Variants in FGFBP2 observed in about 807,000 individuals in gnomAD.
FGFBP2 encodes fibroblast growth factor binding protein 2, also known as fibroblast growth factor-binding protein 2.
FGFBP2 carries 7 observed loss-of-function variants against 7.3 expected under a neutral mutation model. That is an observed-to-expected ratio of 0.96 (90% CI 0.55 to 1.81). The LOEUF (loss-of-function observed/expected upper bound fraction) is 1.81, where lower values mean the gene tolerates loss of function less well. Ranked by LOEUF, FGFBP2 falls within the 40% of genes most tolerant of loss-of-function variation. FGFBP2 has a pLI of 0.00. For synonymous variants in FGFBP2, 131 were observed against 110.2 expected, an observed-to-expected ratio of 1.19 and a Z score of -1.18; for missense variants, 291 against 280.1, an observed-to-expected ratio of 1.04 and a Z score of -0.28.
At chr4:15,962,384 G>T in intron 1 of FGFBP2, 54 bp downstream of exon 1, 1 of 1,420,720 alleles carries the variant, frequency 7.0e-7, no homozygotes. Context: ...CGTAGTCTCT[G>T]TATATAAGTA....
chr4:15,962,548 C>A lies in FGFBP2; in HGVS notation c.582G>T (p.Gly194=). 6.2e-7 allele frequency: 1 copy of A among 1,613,228 alleles called. No homozygotes were observed. The highest frequency in any genetic ancestry group is 8.5e-7 in the Non-Finnish European group (1 of 1,179,304). ...KPTQPGPRPG[G]NEEAKKKAWE... is the part of the protein sequence containing the mutation. ...AGGCCTTCTTCTTTGCTTCCTCATTCCCTCCGGGCCTGGGTCCAGGCTGGG... is the reference window on the plus strand; with the variant it reads ...AGGCCTTCTTCTTTGCTTCCTCATTACCTCCGGGCCTGGGTCCAGGCTGGG... The change falls in exon 1 of 2, where the codon GGG becomes GGT. Residue 194 remains glycine (G), a synonymous_variant. Transcript: ENST00000259989.
In FGFBP2 at chr4:15,962,775, C is replaced by T; in HGVS notation, c.355G>A (p.Glu119Lys). 1 of 1,600,716 alleles carries T rather than the reference C, an allele frequency of 6.2e-7. No homozygotes were observed. The highest frequency in any genetic ancestry group is 8.5e-7 in the Non-Finnish European group (1 of 1,172,838). Residue 119 changes from glutamate to lysine, a missense_variant, in exon 1 of 2, where the codon GAG becomes AAG. Glu to Lys is a moderately conservative substitution (Grantham distance 56). Transcript: ENST00000259989. ...APVLRPSVCREAGPQAHMQQV... is the reference protein window; with the variant it reads ...APVLRPSVCRKAGPQAHMQQV... Reference sequence around the variant, plus strand: ...TGCATATGGGCCTGGGGTCCAGCCTCCCTGCACACGGATGGCCTAAGCACC... The same window carrying T: ...TGCATATGGGCCTGGGGTCCAGCCTTCCTGCACACGGATGGCCTAAGCACC...
At position 15,962,629 on chromosome 4, in the gene FGFBP2, G is replaced by A. The variant is rs1432933847; in HGVS notation, c.501C>T (p.Asp167=). Residue 167 remains aspartate, a synonymous_variant, in exon 1 of 2, where the codon GAC becomes GAT. Coordinates refer to ENST00000259989, the MANE Select transcript of FGFBP2 (RefSeq NM_031950.4). ...TGGCTTTTCCCAGCTCTTCCATCGA[G>A]TCCTTTCCCAGCTGTGTTGCTTCTG... ...KLTEATQLGK[D]SMEELGKAKP... 6.2e-7 allele frequency: 1 copy of A among 1,614,070 alleles called. No homozygotes were observed. Among genetic ancestry groups the A allele is most frequent in the Non-Finnish European group, 8.5e-7 (1 of 1,180,040 alleles).
In FGFBP2 at chr4:15,962,743, C is replaced by G. The variant is rs1214333792; in HGVS notation, c.387G>C (p.Val129=). 5.0e-6 allele frequency: 8 copies of G among 1,611,984 alleles called. No individual in the cohort carries two copies. Among genetic ancestry groups the G allele is most frequent in the Admixed American group, 1.7e-5 (1 of 59,942 alleles). ...EAGPQAHMQQ[V]TSSLKGSPEP... is the part of the protein sequence containing the mutation. The stretch of plus-strand genomic sequence containing the variant: ...CTGGGCTGCCCTTGAGGCTGGAAGT[C>G]ACCTGCTGCATATGGGCCTGGGGTC... Residue 129 remains valine, a synonymous_variant, in exon 1 of 2, where the codon GTG becomes GTC. Coordinates refer to ENST00000259989, the MANE Select transcript of FGFBP2 (RefSeq NM_031950.4).
Position 15,962,811 on chromosome 4 carries a change from G to A in FGFBP2, c.319C>T (p.Gln107Ter), listed in dbSNP as rs758875265. Residue 107 changes from glutamine to a stop codon, truncating the protein, a stop_gained, in exon 1 of 2, where the codon CAG (glutamine) becomes TAG (stop). Transcript: ENST00000259989. LOFTEE classifies it low-confidence loss of function (END_TRUNC). The part of the protein sequence containing the change: ...QELRRLHHAC[Q>*]GAPVLRPSVC... ...GATGGCCTAAGCACCGGGGCCCCCT[G>A]GCACGCATGGTGAAGGCGCCTCAGC... 1.3e-6 allele frequency: 2 copies of A among 1,573,846 alleles called. No homozygotes were observed. Among genetic ancestry groups the A allele is most frequent in the African/African-American group, 2.7e-5 (2 of 74,176 alleles).
chr4:15,960,908 A>G (rs932686828), intron 1 of FGFBP2, among the ~76,000 whole-genome samples: 1 of 152,204 alleles, frequency 6.6e-6, no homozygotes, highest in Non-Finnish European at 1.5e-5. Flanking sequence ...GCCATCTATG[A>G]GTCAAGGAGA....
At position 15,960,598 on chromosome 4, in the gene FGFBP2, G is replaced by A. The variant is rs1713062141; in HGVS notation, c.*34C>T. On this transcript the variant is annotated 3_prime_UTR_variant, in exon 2 of 2. Transcript: ENST00000259989. ...TATAAAAAGAGATGGTTGTCTGTCA[G>A]GGAGAGGTCAGATCTAAAAAAAAAA... 1 of 150,410 alleles carries A rather than the reference G, an allele frequency of 6.6e-6. No individual in the cohort carries two copies. The highest frequency in any genetic ancestry group is 2.1e-4 in the South Asian group (1 of 4,782). The allele number at this position is 150,410 out of a possible 1,614,324, so 9.3% of individuals were successfully genotyped here. A position where few individuals can be genotyped will look rare whatever the true frequency, so the allele number is the denominator to read the frequency against.
chr4:15,962,940 G>C lies in FGFBP2; in HGVS notation c.190C>G (p.Arg64Gly). ...AGEVWLRVDC[R>G]NTDQTYWCEY... ...CACCAGTAGGTCTGGTCTGTGTTGC[G>C]GCAGTCGACACGAAGCCAGACTTCT... Residue 64 changes from arginine to glycine, a missense_variant, in exon 1 of 2, where the codon CGC (arginine) becomes GGC (glycine). By Grantham distance (125) the Arg-to-Gly change is moderately radical. Transcript: ENST00000259989. 1 of 1,605,796 alleles carries C rather than the reference G, an allele frequency of 6.2e-7. No homozygotes were observed. The highest frequency in any genetic ancestry group is 1.3e-5 in the African/African-American group (1 of 75,002).
chr4:15,960,400 T>G lies in FGFBP2; in HGVS notation c.*232A>C, dbSNP rs1054044924. The G allele has an allele frequency of 6.6e-6, 1 of 152,138 alleles. No homozygotes were observed. The highest frequency in any genetic ancestry group is 1.5e-5 in the Non-Finnish European group (1 of 68,022). The allele number at this position is 152,138 out of a possible 1,614,324, so 9.4% of individuals were successfully genotyped here. ...ATAAGTAGTTGTGTATGCTTGTCAC[T>G]CTTGGGCCCATCAGCACCTGTTCCC... is the stretch of plus-strand genomic sequence containing the variant. On this transcript the variant is annotated 3_prime_UTR_variant, in exon 2 of 2. Transcript: ENST00000259989.
chr4:15,962,175 G>A (rs953013128), intron 1 of FGFBP2, among the ~76,000 whole-genome samples: 3 of 152,146 alleles, frequency 2.0e-5, no homozygotes, highest in Non-Finnish European at 2.9e-5. Context: ...TAGATGGAAC[G>A]GTCTGGCGAG....
rs755471306 is a variant in FGFBP2, at chr4:15,962,725, G to A, written c.405C>T (p.Gly135=). The change falls in exon 1 of 2, where the codon GGC becomes GGT. Residue 135 remains glycine (G), a synonymous_variant. Transcript: ENST00000259989. ...CAGGCTGCTGGTTGGGCTCTGGGCT[G>A]CCCTTGAGGCTGGAAGTCACCTGCT... is the stretch of plus-strand genomic sequence containing the variant. The part of the protein sequence containing the change: ...HMQQVTSSLK[G]SPEPNQQPEA... The A allele has an allele frequency of 2.5e-6, 4 of 1,613,374 alleles. No homozygotes were observed. The East Asian group carries it at 8.9e-5, about 36-fold the overall frequency.
chr4:15,961,981 G>C (rs376961422), intron 1 of FGFBP2, among the ~76,000 whole-genome samples: 1 of 152,180 alleles, frequency 6.6e-6, no homozygotes, highest in South Asian at 2.1e-4. Flanking sequence ...ATAGCACCTC[G>C]GCCACTAACA....
In FGFBP2 at chr4:15,962,665, T is replaced by C; in HGVS notation, c.465A>G (p.Thr155=). 2.5e-6 allele frequency: 4 copies of C among 1,614,218 alleles called. No homozygotes were observed. The highest frequency in any genetic ancestry group is 3.4e-6 in the Non-Finnish European group (4 of 1,180,044). The change falls in exon 1 of 2, where the codon ACA becomes ACG. Residue 155 remains threonine (T), a synonymous_variant. Coordinates refer to ENST00000259989, the MANE Select transcript of FGFBP2 (RefSeq NM_031950.4). ...AGTPSLRPKA[T]VKLTEATQLG... is the part of the protein sequence containing the mutation. ...GCTGTGTTGCTTCTGTGAGTTTCAC[T>C]GTGGCCTTGGGCCTCAGAGATGGCG... is the stretch of plus-strand genomic sequence containing the variant.
chr4:15,960,681 T>C (rs1713065030), intron 1 of FGFBP2, 70 bp from the exon 2 acceptor site: 1 of 151,870 alleles, frequency 6.6e-6, no homozygotes, highest in Admixed American at 6.6e-5. Context: ...TGGGTTGAAT[T>C]GTGTGAATTG....
chr4:15,962,454 C>CCTGT lies in FGFBP2; in HGVS notation c.672_*3dup. On this transcript the variant is annotated 3_prime_UTR_variant, in exon 1 of 2. Transcript: ENST00000259989. ...GGGTATTACCTGTAGGGGTCTTTCA[C>CCTGT]CTGTCACCCTCGGAAGAAGCTGATG... The CCTGT allele has an allele frequency of 1.9e-6, 3 of 1,548,192 alleles. No homozygotes were observed. The highest frequency in any genetic ancestry group is 2.6e-6 in the Non-Finnish European group (3 of 1,146,834).
Position 15,960,551 on chromosome 4 carries a change from C to T in FGFBP2, c.*81G>A, listed in dbSNP as rs1377102472. Reference sequence around the variant, plus strand: ...AAACTCTCTTCTTCCAGTGTGAGAACGTTGGATTGAAAGCGGCATAATATA... The same window carrying T: ...AAACTCTCTTCTTCCAGTGTGAGAATGTTGGATTGAAAGCGGCATAATATA... On this transcript the variant is annotated 3_prime_UTR_variant, in exon 2 of 2. Coordinates refer to ENST00000259989, the MANE Select transcript of FGFBP2 (RefSeq NM_031950.4). 6.8e-6 allele frequency: 1 copy of T among 146,444 alleles called. No individual in the cohort carries two copies. 9.1% of individuals were successfully genotyped at this position (146,444 alleles called of 1,614,324 possible). A position where few individuals can be genotyped will look rare whatever the true frequency, so the allele number is the denominator to read the frequency against.
chr4:15,962,068 T>C (rs563799615), intron 1 of FGFBP2, among the ~76,000 whole-genome samples: 2 of 152,294 alleles, frequency 1.3e-5, no homozygotes, highest in South Asian at 4.1e-4. Context: ...AGTGAGGTGG[T>C]TCCATCACAA....
intron 1 of FGFBP2, 149 bp downstream of exon 1, chr4:15,962,289 A>C (rs1213364546): frequency 3.2e-6 from 2 of 624,922 alleles, no homozygotes; most frequent in Non-Finnish European, 5.1e-6. Flanking sequence ...ACTGCTCTGC[A>C]ACAGACAGCC....
Position 15,960,608 on chromosome 4 carries a change from A to G in FGFBP2, c.*24T>C, listed in dbSNP as rs1713062392. On this transcript the variant is annotated 3_prime_UTR_variant, in exon 2 of 2. Transcript: ENST00000259989. The stretch of plus-strand genomic sequence containing the variant: ...GATGGTTGTCTGTCAGGGAGAGGTC[A>G]GATCTAAAAAAAAAAAAAAAGAAAA... 1 of 150,946 alleles carries G rather than the reference A, an allele frequency of 6.6e-6. No individual in the cohort carries two copies. The highest frequency in any genetic ancestry group is 1.5e-5 in the Non-Finnish European group (1 of 67,796). 9.4% of individuals were successfully genotyped at this position (150,946 alleles called of 1,614,324 possible). A position where few individuals can be genotyped will look rare whatever the true frequency, so the allele number is the denominator to read the frequency against.
Sources: gnomAD v4.1 joint callset for allele counts (sites outside exome capture counted in the v4.1 genomes callset) on GRCh38, gnomAD v4.1.1 for gene constraint, MANE v1.5 for transcripts, NCBI Gene and HGNC (gene_info 2026-07-23, HGNC 2026-07-21) for gene names.